Variants in STIM2 observed in about 807,000 individuals in gnomAD.
The protein encoded by STIM2 is stromal interaction molecule 2.
STIM2 carries 31 observed loss-of-function variants against 85.8 expected under a neutral mutation model. That is an observed-to-expected ratio of 0.36 (90% CI 0.27 to 0.49). The LOEUF (loss-of-function observed/expected upper bound fraction) is 0.49, where lower values mean the gene tolerates loss of function less well. STIM2 is among the 20% of genes least tolerant of loss of function. The pLI, the probability that STIM2 is intolerant of heterozygous loss-of-function variation, is 0.98. For missense variants in STIM2, 841 were observed against 927.6 expected, an observed-to-expected ratio of 0.91 and a Z score of 1.21; for synonymous variants, 356 against 331.1, an observed-to-expected ratio of 1.08 and a Z score of -0.82.
intron 1 of STIM2, among the ~76,000 whole-genome samples, chr4:26,865,357 T>C (rs1722365211): frequency 6.6e-6 from 1 of 152,158 alleles, no homozygotes; most frequent in Non-Finnish European, 1.5e-5. Flanking sequence ...CTGTTGGGAA[T>C]CTCATAGAAC....
At chr4:26,894,148 A>G (rs1399059653) in intron 1 of STIM2, among the ~76,000 whole-genome samples, 1 of 152,176 alleles carries the variant, frequency 6.6e-6, no homozygotes, top group Non-Finnish European at 1.5e-5. Flanking sequence ...CGGCCTCCCA[A>G]AGTGCTGGGA....
intron 10 of STIM2, among the ~76,000 whole-genome samples, chr4:27,012,323 A>C (rs1309174911): frequency 6.6e-6 from 1 of 152,086 alleles, no homozygotes; most frequent in East Asian, 1.9e-4. Flanking sequence ...GGGTTTAAAA[A>C]ATTTTTTTTT....
At chr4:26,947,079 A>T (rs1172060238) in intron 2 of STIM2, among the ~76,000 whole-genome samples, 1 of 152,150 alleles carries the variant, frequency 6.6e-6, no homozygotes, top group Non-Finnish European at 1.5e-5. Flanking sequence ...AGGCTCAGTG[A>T]TGTGTAGGTC....
chr4:27,001,917 T>G (rs1019453979), intron 5 of STIM2, among the ~76,000 whole-genome samples: 1 of 152,156 alleles, frequency 6.6e-6, no homozygotes, highest in East Asian at 1.9e-4. Context: ...AGCATATGAT[T>G]GGAGGTGCTG....
chr4:26,956,791 T>C (rs1387530891), intron 2 of STIM2, among the ~76,000 whole-genome samples: 2 of 152,164 alleles, frequency 1.3e-5, no homozygotes, highest in East Asian at 1.9e-4. Flanking sequence ...TGCAGTGATA[T>C]TGAGGCAGTA....
intron 1 of STIM2, chr4:26,861,631 G>C: frequency 2.9e-6 from 1 of 345,736 alleles, no homozygotes; most frequent in East Asian, 5.2e-5. Context: ...TCCAAGCTGA[G>C]CAATGCGGTG....
intron 3 of STIM2, among the ~76,000 whole-genome samples, chr4:26,969,713 T>G (rs1233572602): frequency 6.6e-6 from 1 of 152,184 alleles, no homozygotes; most frequent in Non-Finnish European, 1.5e-5. Flanking sequence ...TGGAAGCTTT[T>G]GAATGAGGGA....
intron 1 of STIM2, among the ~76,000 whole-genome samples, chr4:26,912,320 T>C (rs1204674229): frequency 1.3e-5 from 2 of 152,216 alleles, no homozygotes; most frequent in Non-Finnish European, 1.5e-5. Flanking sequence ...CTGGCTCCCC[T>C]TCTTAGTTGT....
At position 26,997,672 on chromosome 4, in the gene STIM2, A is replaced by G. The variant is rs1160916174; in HGVS notation, c.510-1560A>G. Among the ~76,000 whole-genome samples the G allele has an allele frequency of 2.0e-5, 3 of 152,236 alleles. No homozygotes were observed. In the East Asian group the frequency reaches 5.8e-4, roughly 29 times the overall value. On this transcript the variant is annotated intron_variant, in intron 4 of 11. Transcript: ENST00000467087. ...CTACATACATTCATTCAGCTATTAT[A>G]CAAACATTTATCAAGCTTCTACTTT...
intron 1 of STIM2, among the ~76,000 whole-genome samples, chr4:26,896,686 G>C (rs79322736): frequency 1.3e-5 from 2 of 152,080 alleles, no homozygotes; most frequent in Non-Finnish European, 2.9e-5. Context: ...TATCAAAACC[G>C]GGGAAAACTG....
chr4:26,975,167 C>A (rs1264082810), intron 3 of STIM2, among the ~76,000 whole-genome samples: 1 of 152,026 alleles, frequency 6.6e-6, no homozygotes, highest in Non-Finnish European at 1.5e-5. Context: ...TTTTAGCTTC[C>A]TTGCGATGGG....
At chr4:26,881,084 A>C (rs1722997913) in intron 1 of STIM2, among the ~76,000 whole-genome samples, 1 of 152,166 alleles carries the variant, frequency 6.6e-6, no homozygotes. Context: ...CCTCAAGGTG[A>C]TGGTGGTACT....
intron 1 of STIM2, among the ~76,000 whole-genome samples, chr4:26,876,646 T>G (rs1160301235): frequency 6.6e-6 from 1 of 152,214 alleles, no homozygotes; most frequent in African/African-American, 2.4e-5. Context: ...ACCAAATGCC[T>G]TTATTTAATG....
At chr4:26,961,438 A>G (rs1327302337) in intron 3 of STIM2, among the ~76,000 whole-genome samples, 1 of 152,184 alleles carries the variant, frequency 6.6e-6, no homozygotes, top group African/African-American at 2.4e-5. Context: ...ACATAAAGTA[A>G]TTCATGTTAC....
Position 26,999,238 on chromosome 4 carries a change from A to T in STIM2, c.516A>T (p.Ala172=). 1 of 1,590,522 alleles carries T rather than the reference A, an allele frequency of 6.3e-7. No homozygotes were observed. Among genetic ancestry groups the T allele is most frequent in the Non-Finnish European group, 8.6e-7 (1 of 1,164,094 alleles). Reference sequence around the variant, plus strand: ...GTGTTTTTCAAATAAACAGGATAGCAGTGCACGAACCTTCATTTATGATCT... The same window carrying T: ...GTGTTTTTCAAATAAACAGGATAGCTGTGCACGAACCTTCATTTATGATCT... The change falls in exon 5 of 12, where the codon GCA becomes GCT. Residue 172 remains alanine, a synonymous_variant. Transcript: ENST00000467087.
chr4:26,872,379 A>T (rs1312536720), intron 1 of STIM2, among the ~76,000 whole-genome samples: 6 of 152,176 alleles, frequency 3.9e-5, no homozygotes, highest in Non-Finnish European at 7.4e-5. Flanking sequence ...TAAAGATTTA[A>T]AGCATTTTGC....
rs540146203 is a variant in STIM2 at position 26,906,721 on chromosome 4, G to A, written c.152-12783G>A. Among the ~76,000 whole-genome samples, 38 of 152,104 alleles carry A rather than the reference G, an allele frequency of 2.5e-4. No individual in the cohort carries two copies. The South Asian group carries it at 7.7e-3, about 31-fold the overall frequency. On this transcript the variant is annotated intron_variant, in intron 1 of 11. Transcript: ENST00000467087. ...GATATTCTGTAGATTGATTGCCTGA[G>A]CAGTTTCCAAAGTTTAAAGGCACAC... is the stretch of plus-strand genomic sequence containing the variant.
At chr4:26,996,651 C>A (rs1467624322) in intron 4 of STIM2, among the ~76,000 whole-genome samples, 1 of 151,914 alleles carries the variant, frequency 6.6e-6, no homozygotes, top group Non-Finnish European at 1.5e-5. Context: ...TACTGAATAT[C>A]TTTTATGTTC....
intron 6 of STIM2, 151 bp from the exon 7 acceptor site, chr4:27,002,776 T>C (rs944995416): frequency 4.1e-6 from 3 of 739,508 alleles, no homozygotes; most frequent in Middle Eastern, 4.1e-4. Flanking sequence ...TTGCCTGATA[T>C]TTGTATTAAC....
Sources: allele counts gnomAD v4.1 joint callset (sites outside exome capture counted in the v4.1 genomes callset), GRCh38; gene constraint gnomAD v4.1.1; transcripts MANE v1.5; gene names NCBI Gene and HGNC (gene_info 2026-07-23, HGNC 2026-07-21).